TBCA: variants seen among roughly 807,000 people sequenced by gnomAD.
The protein encoded by TBCA is tubulin folding cofactor A, also known as tubulin-specific chaperone A.
In TBCA, 6 loss-of-function variants were observed where a neutral mutation model predicts 15.8. The ratio of observed to expected loss-of-function variants is 0.38; its 90% confidence interval spans 0.21 to 0.75. The LOEUF is 0.75. TBCA is among the 30% of genes least tolerant of loss of function. TBCA has a pLI of 0.46. For missense variants in TBCA, 90 were observed against 131.2 expected (o/e 0.69, Z 1.53); for synonymous variants, 32 against 42.3 (o/e 0.76, Z 0.94).
At chr5:77,762,502 T>C (rs459475) in intron 1 of TBCA, among the ~76,000 whole-genome samples, 66,879 of 152,016 alleles carry the variant, frequency 0.44, 14,893 homozygotes, top group East Asian at 0.53. Flanking sequence ...CATTGGCAAT[T>C]ATAAACCACA....
rs1040774766 is a variant in TBCA, at chr5:77,750,167, A to T, written c.53+26038T>A. On this transcript the variant is annotated intron_variant, in intron 1 of 3. Coordinates refer to ENST00000380377, the MANE Select transcript of TBCA (RefSeq NM_004607.3). ...ATATATATAGAGAGAGAGCACAAATATATATATATAGCACAAATACATATA... is the reference window on the plus strand; with the variant it reads ...ATATATATAGAGAGAGAGCACAAATTTATATATATAGCACAAATACATATA... 4.4e-4 allele frequency among the ~76,000 whole-genome samples: 67 copies of T among 151,146 alleles called. 1 individual carries two copies. Among genetic ancestry groups the T allele is most frequent in the Non-Finnish European group, 7.4e-5 (5 of 67,738 alleles).
chr5:77,713,972 A>G (rs1317892587), intron 1 of TBCA, among the ~76,000 whole-genome samples: 1 of 151,428 alleles, frequency 6.6e-6, no homozygotes. Flanking sequence ...AAAGGGCTTC[A>G]TAAGTGCCTT....
rs185727596 is a variant in TBCA, at chr5:77,696,341, A to T, written c.160-2989T>A. Among the ~76,000 whole-genome samples, 7 of 152,300 alleles carry T rather than the reference A, an allele frequency of 4.6e-5. No individual in the cohort carries two copies. The East Asian group carries it at 9.6e-4, about 21-fold the overall frequency. The stretch of plus-strand genomic sequence containing the variant: ...TCCTTTAGATGGTAGTAAAATGTTA[A>T]TGTACTCACTTCTCAGGAAATCTAT... On this transcript the variant is annotated intron_variant, in intron 2 of 3. Transcript: ENST00000380377.
rs185347773 is a variant in TBCA at position 77,724,449 on chromosome 5, T to C, written c.54-16102A>G. 8.5e-4 allele frequency among the ~76,000 whole-genome samples: 130 copies of C among 152,196 alleles called. 2 individuals carry two copies. Among genetic ancestry groups the C allele is most frequent in the Admixed American group, 8.4e-3 (128 of 15,280 alleles). ...AGTCCAGTTTTAGTACCAGTACATA[T>C]AAAGCAAATATTTAAATTTTATCTA... On this transcript the variant is annotated intron_variant, in intron 1 of 3. Coordinates refer to ENST00000380377, the MANE Select transcript of TBCA (RefSeq NM_004607.3).
At chr5:77,698,684 T>A (rs1745930191) in intron 2 of TBCA, among the ~76,000 whole-genome samples, 1 of 152,106 alleles carries the variant, frequency 6.6e-6, no homozygotes, top group Non-Finnish European at 1.5e-5. Context: ...TTTTATGAAA[T>A]CTGTATTAAC....
At chr5:77,745,391 T>C (rs1048944638) in intron 1 of TBCA, among the ~76,000 whole-genome samples, 3 of 152,258 alleles carry the variant, frequency 2.0e-5, no homozygotes, top group Non-Finnish European at 4.4e-5. Context: ...TATTTATTTG[T>C]AATTCAAAGT....
chr5:77,749,382 ATGTTC>A (rs1747262313), intron 1 of TBCA, among the ~76,000 whole-genome samples: 1 of 152,236 alleles, frequency 6.6e-6, no homozygotes, highest in South Asian at 2.1e-4. Flanking sequence ...TATGCTATGC[ATGTTC>A]TGTGTTTATA....
chr5:77,736,833 T>C (rs1296083437), intron 1 of TBCA, among the ~76,000 whole-genome samples: 3 of 152,218 alleles, frequency 2.0e-5, no homozygotes, highest in Middle Eastern at 3.2e-3. Flanking sequence ...CAGAGCTATA[T>C]AATGCTTTGC....
intron 2 of TBCA, among the ~76,000 whole-genome samples, chr5:77,700,998 T>C (rs997448425): frequency 5.9e-5 from 9 of 152,110 alleles, no homozygotes; most frequent in African/African-American, 2.2e-4. Context: ...CTTCTAGACA[T>C]TGGCTTAGGC....
intron 3 of TBCA, 154 bp downstream of exon 3, chr5:77,693,112 A>G (rs1745792680): frequency 6.7e-7 from 1 of 1,486,612 alleles, no homozygotes; most frequent in South Asian, 1.3e-5. Flanking sequence ...CACAATTTAA[A>G]CTCCATTAAT....
chr5:77,725,879 G>A (rs2112461639), intron 1 of TBCA, among the ~76,000 whole-genome samples: 1 of 152,198 alleles, frequency 6.6e-6, no homozygotes, highest in African/African-American at 2.4e-5. Context: ...CAAAACGACA[G>A]GCTAATGAAA....
chr5:77,699,492 C>G (rs180941824), intron 2 of TBCA, among the ~76,000 whole-genome samples: 1 of 152,230 alleles, frequency 6.6e-6, no homozygotes, highest in Non-Finnish European at 1.5e-5. Flanking sequence ...AGGAAGACAG[C>G]CTTTTCAACA....
chr5:77,716,414 CAT>C (rs1746400425), intron 1 of TBCA, among the ~76,000 whole-genome samples: 1 of 152,088 alleles, frequency 6.6e-6, no homozygotes, highest in South Asian at 2.1e-4. Context: ...CATGAAATAT[CAT>C]ATGTAATGAA....
intron 1 of TBCA, among the ~76,000 whole-genome samples, chr5:77,737,116 T>C (rs1475386095): frequency 6.6e-6 from 1 of 152,222 alleles, no homozygotes; most frequent in African/African-American, 2.4e-5. Flanking sequence ...AAACCAAGAA[T>C]TACAGTGACA....
intron 1 of TBCA, among the ~76,000 whole-genome samples, chr5:77,756,363 A>G (rs1747477322): frequency 6.6e-6 from 1 of 150,888 alleles, no homozygotes; most frequent in Non-Finnish European, 1.5e-5. Flanking sequence ...ACAAGTCACA[A>G]GGGGTAAACC....
chr5:77,691,530 T>C, intron 3 of TBCA, 32 bp from the exon 4 acceptor site: 2 of 1,543,454 alleles, frequency 1.3e-6, no homozygotes, highest in Non-Finnish European at 8.7e-7. Flanking sequence ...ATTAAGTTTA[T>C]CCTTTTCAAG....
At chr5:77,763,856 T>C (rs1420423904) in intron 1 of TBCA, among the ~76,000 whole-genome samples, 2 of 152,238 alleles carry the variant, frequency 1.3e-5, no homozygotes, top group East Asian at 1.9e-4. Flanking sequence ...AATACTCACA[T>C]ACTTATGACC....
At chr5:77,767,774 A>G (rs1747813969) in intron 1 of TBCA, among the ~76,000 whole-genome samples, 1 of 152,236 alleles carries the variant, frequency 6.6e-6, no homozygotes, top group Non-Finnish European at 1.5e-5. Flanking sequence ...GGGGATCAGT[A>G]ACCATTCATC....
At chr5:77,707,948 G>C (rs1280827817) in intron 2 of TBCA, among the ~76,000 whole-genome samples, 1 of 152,112 alleles carries the variant, frequency 6.6e-6, no homozygotes, top group African/African-American at 2.4e-5. Flanking sequence ...GAGCCAAGAG[G>C]TCAAGGCTGC....
Sources: gnomAD v4.1 joint callset for allele counts (sites outside exome capture counted in the v4.1 genomes callset) on GRCh38, gnomAD v4.1.1 for gene constraint, MANE v1.5 for transcripts, NCBI Gene and HGNC (gene_info 2026-07-23, HGNC 2026-07-21) for gene names.